MIB1: variants seen among roughly 807,000 people sequenced by gnomAD.
MIB1 encodes the protein E3 ubiquitin-protein ligase MIB1.
MIB1 carries 278 observed loss-of-function variants against 124.5 expected under a neutral mutation model. The observed-to-expected ratio is 2.23, with a 90% CI of 2.02 to 2.47. The LOEUF is 2.47. Among genes scored for constraint, MIB1 ranks in the 30% most tolerant of loss-of-function variants. MIB1 has a pLI of 0.00. For missense variants in MIB1, 957 were observed against 1,254.4 expected (o/e 0.76, Z 3.58); for synonymous variants, 446 against 429.4 (o/e 1.04, Z -0.48).
intron 20 of MIB1, among the ~76,000 whole-genome samples, chr18:21,859,223 A>G (rs1417764417): frequency 6.6e-6 from 1 of 152,062 alleles, no homozygotes; most frequent in Non-Finnish European, 1.5e-5. Flanking sequence ...CAGCCCGCAC[A>G]ACATAGTGAG....
chr18:21,853,675 T>G (rs1185539645), intron 18 of MIB1, among the ~76,000 whole-genome samples: 1 of 152,158 alleles, frequency 6.6e-6, no homozygotes, highest in Non-Finnish European at 1.5e-5. Flanking sequence ...TAAGCTTTTA[T>G]GTCAAGAGAG....
chr18:21,743,315 T>G (rs2040876437), intron 1 of MIB1, among the ~76,000 whole-genome samples: 1 of 152,206 alleles, frequency 6.6e-6, no homozygotes, highest in Non-Finnish European at 1.5e-5. Flanking sequence ...TTTCACTAAA[T>G]TATATTGGTG....
intron 10 of MIB1, among the ~76,000 whole-genome samples, chr18:21,813,488 G>A (rs1233547809): frequency 6.6e-6 from 1 of 152,152 alleles, no homozygotes; most frequent in Non-Finnish European, 1.5e-5. Flanking sequence ...TTAAATCTTA[G>A]ATGTGGTTGT....
At chr18:21,713,066 T>C (rs1446115792) in intron 1 of MIB1, among the ~76,000 whole-genome samples, 1 of 152,094 alleles carries the variant, frequency 6.6e-6, no homozygotes, top group Admixed American at 6.6e-5. Flanking sequence ...CAAGCAATCC[T>C]CCCCACTCAG....
chr18:21,782,741 A>G (rs896111153), intron 6 of MIB1, among the ~76,000 whole-genome samples: 4 of 152,142 alleles, frequency 2.6e-5, no homozygotes, highest in Non-Finnish European at 4.4e-5. Context: ...TGTGTATTCT[A>G]TGGCAGTTGG....
rs1413201529 is a variant in MIB1, at chr18:21,867,573, T to C, written c.*2907T>C. 1 of 152,626 alleles carries C rather than the reference T, an allele frequency of 6.6e-6. No individual in the cohort carries two copies. Among genetic ancestry groups the C allele is most frequent in the Non-Finnish European group, 1.5e-5 (1 of 67,998 alleles). 9.5% of individuals were successfully genotyped at this position (152,626 alleles called of 1,614,324 possible). A position where few individuals can be genotyped will look rare whatever the true frequency, so the allele number is the denominator to read the frequency against. On this transcript the variant is annotated 3_prime_UTR_variant, in exon 21 of 21. Coordinates refer to ENST00000261537, the MANE Select transcript of MIB1 (RefSeq NM_020774.4). ...AATGTTTAGTTGGTCAAATTATGCA[T>C]AAGATATTTGTAACTTTAAACATTG... is the stretch of plus-strand genomic sequence containing the variant.
At chr18:21,744,791 A>T (rs1032994120) in intron 1 of MIB1, among the ~76,000 whole-genome samples, 3 of 152,246 alleles carry the variant, frequency 2.0e-5, no homozygotes, top group Non-Finnish European at 4.4e-5. Flanking sequence ...TGTCTCATTA[A>T]TTATAGCGTT....
chr18:21,843,780 A>G (rs1026309740), intron 14 of MIB1, among the ~76,000 whole-genome samples: 7 of 152,222 alleles, frequency 4.6e-5, no homozygotes, highest in Non-Finnish European at 1.0e-4. Context: ...TCATACATCT[A>G]AAGTTGAAAA....
chr18:21,789,851 A>T (rs764291675), intron 6 of MIB1, among the ~76,000 whole-genome samples: 1 of 152,158 alleles, frequency 6.6e-6, no homozygotes, highest in Non-Finnish European at 1.5e-5. Context: ...TATGCTAATA[A>T]CCATTTGGAC....
At chr18:21,758,982 A>C (rs912858961) in intron 1 of MIB1, among the ~76,000 whole-genome samples, 10 of 152,242 alleles carry the variant, frequency 6.6e-5, no homozygotes, top group African/African-American at 2.2e-4. Context: ...ATACAAGTGA[A>C]TAAATGAGTA....
chr18:21,781,911 G>C (rs1039605359), intron 6 of MIB1, among the ~76,000 whole-genome samples: 8 of 151,692 alleles, frequency 5.3e-5, no homozygotes, highest in African/African-American at 1.7e-4. Flanking sequence ...TATCTTAGTT[G>C]GTCTACCTAA....
At chr18:21,803,327 G>T (rs1178860175) in intron 9 of MIB1, among the ~76,000 whole-genome samples, 1 of 152,108 alleles carries the variant, frequency 6.6e-6, no homozygotes, top group Non-Finnish European at 1.5e-5. Flanking sequence ...ACTTGGCCTT[G>T]GGTATGTCCA....
At chr18:21,752,535 A>T (rs553836892) in intron 1 of MIB1, among the ~76,000 whole-genome samples, 2 of 152,240 alleles carry the variant, frequency 1.3e-5, no homozygotes, top group South Asian at 2.1e-4. Context: ...AAAGCTATTC[A>T]TACAACGAAC....
At chr18:21,828,991 T>C in intron 12 of MIB1, 1 of 473,518 alleles carries the variant, frequency 2.1e-6, no homozygotes, top group Non-Finnish European at 4.4e-6. Context: ...TAATTCTCCC[T>C]TGGTGGTTTA....
At chr18:21,748,168 CTCTTTT>C (rs1568184919) in intron 1 of MIB1, among the ~76,000 whole-genome samples, 1 of 152,142 alleles carries the variant, frequency 6.6e-6, no homozygotes, top group East Asian at 1.9e-4. Flanking sequence ...CAGTATCATT[CTCTTTT>C]TCTTTTATAG....
At chr18:21,728,443 A>G (rs1210477010) in intron 1 of MIB1, among the ~76,000 whole-genome samples, 3 of 152,190 alleles carry the variant, frequency 2.0e-5, no homozygotes, top group Non-Finnish European at 2.9e-5. Flanking sequence ...CAGTGAGCCA[A>G]GATGGTGCCA....
chr18:21,837,794 G>A (rs1348608314), intron 12 of MIB1, among the ~76,000 whole-genome samples: 2 of 152,130 alleles, frequency 1.3e-5, no homozygotes, highest in Non-Finnish European at 1.5e-5. Context: ...CATATGTCAA[G>A]TTTTAACTTT....
chr18:21,798,520 A>G (rs1221403739), intron 8 of MIB1, among the ~76,000 whole-genome samples: 1 of 152,128 alleles, frequency 6.6e-6, no homozygotes, highest in Non-Finnish European at 1.5e-5. Flanking sequence ...TGAGATTCCT[A>G]AAATTCAGAA....
chr18:21,797,433 T>C (rs551931136), intron 7 of MIB1, among the ~76,000 whole-genome samples: 1 of 152,252 alleles, frequency 6.6e-6, no homozygotes, highest in East Asian at 1.9e-4. Context: ...AATAGGCTGT[T>C]AAAAAATTAG....
Sources: gnomAD v4.1 joint callset for allele counts (sites outside exome capture counted in the v4.1 genomes callset) on GRCh38, gnomAD v4.1.1 for gene constraint, MANE v1.5 for transcripts, NCBI Gene and HGNC (gene_info 2026-07-23, HGNC 2026-07-21) for gene names.